Variants in TBC1D14 observed in about 807,000 individuals in gnomAD.
The protein encoded by TBC1D14 is TBC1 domain family member 14, also known as TBC1 domain family, member 14.
TBC1D14 carries 26 observed loss-of-function variants against 79.0 expected under a neutral mutation model. The ratio of observed to expected loss-of-function variants is 0.33; its 90% confidence interval spans 0.24 to 0.46. TBC1D14 has a LOEUF of 0.46. TBC1D14 is among the 20% of genes least tolerant of loss of function. TBC1D14 has a pLI of 1.00. For missense variants in TBC1D14, 769 were observed against 887.6 expected (o/e 0.87, Z 1.70); for synonymous variants, 394 against 349.9 (o/e 1.13, Z -1.40).
intron 2 of TBC1D14, among the ~76,000 whole-genome samples, chr4:6,941,180 C>CTTTTT (rs35201238): frequency 4.2e-4 from 37 of 87,754 alleles, no homozygotes; most frequent in African/African-American, 7.8e-4. Context: ...AGGAAAGCAG[C>CTTTTT]TTTTTTTTTT....
At chr4:6,972,121 C>T (rs1336898283) in intron 3 of TBC1D14, among the ~76,000 whole-genome samples, 1 of 152,136 alleles carries the variant, frequency 6.6e-6, no homozygotes, top group Non-Finnish European at 1.5e-5. Context: ...TTCTTGGATT[C>T]CATGGCCCTT....
At chr4:6,954,379 G>A (rs1714423521) in intron 2 of TBC1D14, 1 of 717,484 alleles carries the variant, frequency 1.4e-6, no homozygotes, top group Non-Finnish European at 2.6e-6. Flanking sequence ...GTTGGAACTG[G>A]AGACTTAACT....
intron 2 of TBC1D14, among the ~76,000 whole-genome samples, chr4:6,950,762 A>C (rs997376216): frequency 2.9e-4 from 44 of 152,174 alleles, no homozygotes; most frequent in Non-Finnish European, 2.9e-5. Flanking sequence ...AATAATCCCA[A>C]CTTGTTCATA....
intron 13 of TBC1D14, among the ~76,000 whole-genome samples, chr4:7,027,789 T>G (rs531019281): frequency 7.3e-5 from 8 of 109,744 alleles, no homozygotes; most frequent in African/African-American, 2.9e-4. Context: ...CCATACACAA[T>G]CACCCCCTAC....
intron 3 of TBC1D14, among the ~76,000 whole-genome samples, chr4:6,968,463 A>G (rs1715898731): frequency 6.6e-6 from 1 of 152,238 alleles, no homozygotes; most frequent in Non-Finnish European, 1.5e-5. Flanking sequence ...TGAAGAAGAT[A>G]GTATTATTAA....
chr4:6,956,427 A>G (rs1046051534), intron 2 of TBC1D14, among the ~76,000 whole-genome samples: 2 of 152,242 alleles, frequency 1.3e-5, no homozygotes, highest in Admixed American at 6.5e-5. Flanking sequence ...ACTGAAGAAC[A>G]CGGCGTAGAC....
At chr4:7,006,924 G>T (rs1006153811) in intron 9 of TBC1D14, among the ~76,000 whole-genome samples, 198 bp downstream of exon 9, 1 of 152,104 alleles carries the variant, frequency 6.6e-6, no homozygotes, top group African/African-American at 2.4e-5. Flanking sequence ...TATTTACTAT[G>T]TCCATACTTG....
chr4:6,948,153 C>A (rs560008990), intron 2 of TBC1D14, among the ~76,000 whole-genome samples: 2 of 152,252 alleles, frequency 1.3e-5, no homozygotes, highest in Admixed American at 1.3e-4. Context: ...GCAAAGCCTG[C>A]AGAACTTAAG....
chr4:7,022,772 C>G (rs1317500330), intron 12 of TBC1D14, among the ~76,000 whole-genome samples: 3 of 151,940 alleles, frequency 2.0e-5, no homozygotes, highest in Non-Finnish European at 2.9e-5. Context: ...AAGTTCATTA[C>G]CTGTCTAGAG....
At chr4:6,962,528 T>A (rs1715319193) in intron 2 of TBC1D14, among the ~76,000 whole-genome samples, 3 of 152,156 alleles carry the variant, frequency 2.0e-5, no homozygotes, top group African/African-American at 7.2e-5. Context: ...AGTGAGTGCT[T>A]TTTCTCCATA....
intron 7 of TBC1D14, among the ~76,000 whole-genome samples, chr4:7,003,182 G>C (rs1461339415): frequency 6.6e-6 from 1 of 152,224 alleles, no homozygotes; most frequent in African/African-American, 2.4e-5. Flanking sequence ...CCAGCCTCCA[G>C]CGTTCCCCAG....
chr4:7,015,723 C>G (rs1275298111), intron 12 of TBC1D14, among the ~76,000 whole-genome samples: 3 of 152,112 alleles, frequency 2.0e-5, no homozygotes, highest in African/African-American at 4.8e-5. Context: ...CCAGCAGCCC[C>G]AGCCCAAACC....
chr4:7,013,845 G>A (rs1049915538), intron 11 of TBC1D14, among the ~76,000 whole-genome samples: 3 of 151,810 alleles, frequency 2.0e-5, no homozygotes, highest in Admixed American at 6.6e-5. Context: ...CCGGGTTCAC[G>A]CCATTCTCCT....
intron 11 of TBC1D14, among the ~76,000 whole-genome samples, chr4:7,012,948 A>G (rs866273506): frequency 4.6e-5 from 7 of 152,324 alleles, no homozygotes; most frequent in Non-Finnish European, 8.8e-5. Context: ...TAATTCCTGA[A>G]AATAATTCCT....
At chr4:7,027,854 A>G (rs1456264541) in intron 13 of TBC1D14, among the ~76,000 whole-genome samples, 2 of 136,496 alleles carry the variant, frequency 1.5e-5, no homozygotes. Flanking sequence ...ACCCACACAC[A>G]CACAGATCAC....
chr4:6,961,956 C>T (rs569779281), intron 2 of TBC1D14, among the ~76,000 whole-genome samples: 9 of 152,262 alleles, frequency 5.9e-5, no homozygotes, highest in Admixed American at 2.0e-4. Flanking sequence ...TGAATGCGGC[C>T]GAGGGCTGTT....
chr4:6,991,636 C>G (rs1308368953), intron 3 of TBC1D14, among the ~76,000 whole-genome samples: 1 of 152,128 alleles, frequency 6.6e-6, no homozygotes, highest in East Asian at 1.9e-4. Flanking sequence ...TACAGCGTGT[C>G]CTTGTGCAGC....
intron 13 of TBC1D14, among the ~76,000 whole-genome samples, chr4:7,028,396 GC>G (rs1282154759): frequency 1.3e-5 from 2 of 151,814 alleles, no homozygotes; most frequent in East Asian, 3.9e-4. Context: ...GGGGTGGGGG[GC>G]TTGGGCATCA....
intron 2 of TBC1D14, among the ~76,000 whole-genome samples, chr4:6,925,456 C>T (rs1016673521): frequency 3.3e-5 from 5 of 152,050 alleles, no homozygotes; most frequent in South Asian, 2.1e-4. Context: ...TGTGGTGTGC[C>T]GGCTGGAGTC....
Sources: gnomAD v4.1 joint callset for allele counts (sites outside exome capture counted in the v4.1 genomes callset) on GRCh38, gnomAD v4.1.1 for gene constraint, MANE v1.5 for transcripts, NCBI Gene and HGNC (gene_info 2026-07-23, HGNC 2026-07-21) for gene names.